CNTN4: variants seen among roughly 807,000 people sequenced by gnomAD.
The protein encoded by CNTN4 is contactin 4.
Under a neutral mutation model 122.5 loss-of-function variants are expected in CNTN4, and 77 were observed. That is an observed-to-expected ratio of 0.63 (90% CI 0.52 to 0.76). The LOEUF is 0.76. CNTN4 is among the 30% of genes least tolerant of loss of function. The probability of loss-of-function intolerance (pLI) is 0.00; values close to 1 mark genes in which losing one functional copy is unlikely to be tolerated. For missense variants in CNTN4, 1,256 were observed against 1,259.1 expected, an observed-to-expected ratio of 1.00 and a Z score of 0.04; for synonymous variants, 512 against 447.0, an observed-to-expected ratio of 1.15 and a Z score of -1.83.
intron 12 of CNTN4, among the ~76,000 whole-genome samples, chr3:2,914,090 G>A (rs1016491427): frequency 6.6e-6 from 1 of 152,070 alleles, no homozygotes; most frequent in Non-Finnish European, 1.5e-5. Flanking sequence ...ATGTAATTTA[G>A]AAAATATCAG....
chr3:2,657,863 C>A (rs1412310101), intron 4 of CNTN4, among the ~76,000 whole-genome samples: 1 of 151,496 alleles, frequency 6.6e-6, no homozygotes, highest in Non-Finnish European at 1.5e-5. Flanking sequence ...ATAAAACCCT[C>A]AAAATCATCA....
chr3:2,291,302 C>A (rs1218456232), intron 2 of CNTN4, among the ~76,000 whole-genome samples: 1 of 152,078 alleles, frequency 6.6e-6, no homozygotes, highest in African/African-American at 2.4e-5. Context: ...TCAAATGAAT[C>A]TTATGGAGAA....
chr3:2,765,928 C>T (rs142575775), intron 6 of CNTN4, among the ~76,000 whole-genome samples: 1 of 152,296 alleles, frequency 6.6e-6, no homozygotes, highest in Non-Finnish European at 1.5e-5. Flanking sequence ...AAATCACCAG[C>T]TTTGAAAATG....
chr3:3,028,751 A>G (rs1463937839), intron 15 of CNTN4, among the ~76,000 whole-genome samples: 1 of 152,204 alleles, frequency 6.6e-6, no homozygotes, highest in Non-Finnish European at 1.5e-5. Context: ...TAATAGTGAT[A>G]ATTCCTGATA....
chr3:2,614,317 G>A (rs571347153), intron 4 of CNTN4, among the ~76,000 whole-genome samples: 1 of 152,134 alleles, frequency 6.6e-6, no homozygotes, highest in Non-Finnish European at 1.5e-5. Flanking sequence ...AGAGGTATGC[G>A]AAGACTAGAT....
intron 2 of CNTN4, among the ~76,000 whole-genome samples, chr3:2,231,995 G>C (rs2039505301): frequency 6.6e-6 from 1 of 151,994 alleles, no homozygotes; most frequent in Non-Finnish European, 1.5e-5. Context: ...AAATGACAAA[G>C]CTTACCAGAG....
At chr3:2,334,711 A>C (rs973794782) in intron 2 of CNTN4, among the ~76,000 whole-genome samples, 2 of 152,210 alleles carry the variant, frequency 1.3e-5, no homozygotes, top group African/African-American at 4.8e-5. Context: ...ATTTGTTGTT[A>C]GACAAATCCA....
intron 4 of CNTN4, among the ~76,000 whole-genome samples, chr3:2,694,732 A>G (rs7629488): frequency 0.74 from 111,887 of 151,776 alleles, 41,382 homozygotes; most frequent in East Asian, 0.8. Flanking sequence ...CTGTCTCAAA[A>G]AAAGAAAGAA....
intron 3 of CNTN4, among the ~76,000 whole-genome samples, chr3:2,567,332 C>T (rs1364416765): frequency 1.3e-5 from 2 of 151,864 alleles, no homozygotes; most frequent in African/African-American, 4.8e-5. Context: ...GTGATCCACC[C>T]ACCTCGGCCT....
At chr3:2,712,344 A>G (rs1373378265) in intron 4 of CNTN4, among the ~76,000 whole-genome samples, 1 of 152,170 alleles carries the variant, frequency 6.6e-6, no homozygotes, top group Admixed American at 6.5e-5. Context: ...TACTTGAACA[A>G]CTATTGAAAG....
intron 2 of CNTN4, among the ~76,000 whole-genome samples, chr3:2,254,291 T>C (rs970656041): frequency 2.0e-5 from 3 of 152,190 alleles, no homozygotes; most frequent in Admixed American, 2.0e-4. Context: ...AGTCTGTCAT[T>C]GATGGGCATA....
intron 6 of CNTN4, among the ~76,000 whole-genome samples, chr3:2,787,477 A>ATAG (rs774075298): frequency 5.7e-4 from 87 of 152,348 alleles, no homozygotes; most frequent in South Asian, 5.0e-3. Flanking sequence ...AGTGATCATT[A>ATAG]CATACCGGAA....
intron 4 of CNTN4, among the ~76,000 whole-genome samples, chr3:2,669,531 T>C (rs1404869391): frequency 3.3e-5 from 5 of 152,200 alleles, no homozygotes; most frequent in African/African-American, 1.2e-4. Context: ...GTTGATCTTT[T>C]CAAAAAACCA....
At chr3:2,655,359 A>C (rs2083540693) in intron 4 of CNTN4, among the ~76,000 whole-genome samples, 2 of 152,178 alleles carry the variant, frequency 1.3e-5, no homozygotes, top group Admixed American at 6.5e-5. Flanking sequence ...TATTTTTAAC[A>C]TTTTTAATGA....
At chr3:2,833,358 T>C (rs536116934) in intron 7 of CNTN4, among the ~76,000 whole-genome samples, 98 of 152,334 alleles carry the variant, frequency 6.4e-4, no homozygotes, top group African/African-American at 2.2e-3. Flanking sequence ...CATGGCTAAC[T>C]AGGTAAGTTT....
At chr3:2,817,903 C>A (rs1174569071) in intron 6 of CNTN4, among the ~76,000 whole-genome samples, 1 of 152,162 alleles carries the variant, frequency 6.6e-6, no homozygotes, top group Non-Finnish European at 1.5e-5. Context: ...CAGACCATTT[C>A]CATAAAGACA....
At chr3:2,225,039 A>G (rs1056575100) in intron 2 of CNTN4, among the ~76,000 whole-genome samples, 8 of 151,610 alleles carry the variant, frequency 5.3e-5, no homozygotes, top group African/African-American at 7.3e-5. Flanking sequence ...AGTCCCAGCT[A>G]CTCGGGAGGC....
At chr3:2,750,067 G>C (rs1457713753) in intron 6 of CNTN4, among the ~76,000 whole-genome samples, 1 of 152,086 alleles carries the variant, frequency 6.6e-6, no homozygotes, top group South Asian at 2.1e-4. Flanking sequence ...GACATTAAAG[G>C]TCTCCTGGCC....
chr3:2,120,750 G>C (rs932903105), intron 2 of CNTN4, among the ~76,000 whole-genome samples: 1 of 152,032 alleles, frequency 6.6e-6, no homozygotes, highest in African/African-American at 2.4e-5. Context: ...AGTGTGGACT[G>C]CTAGCTAAGG....
Sources: allele counts gnomAD v4.1 joint callset (sites outside exome capture counted in the v4.1 genomes callset), GRCh38; gene constraint gnomAD v4.1.1; transcripts MANE v1.5; gene names NCBI Gene and HGNC (gene_info 2026-07-23, HGNC 2026-07-21).